The following OTUD7A variants were observed in gnomAD, a reference collection of about 807,000 sequenced individuals.
OTUD7A encodes the protein OTU domain-containing protein 7A.
In OTUD7A, 12 loss-of-function variants were observed where a neutral mutation model predicts 65.7. That is an observed-to-expected ratio of 0.18 (90% CI 0.12 to 0.30). The LOEUF (loss-of-function observed/expected upper bound fraction) is 0.30, where lower values mean the gene tolerates loss of function less well. OTUD7A is among the 10% of genes least tolerant of loss of function. The pLI is 1.00. For synonymous variants in OTUD7A, 641 were observed against 586.3 expected (o/e 1.09, Z -1.35); for missense variants, 1,148 against 1,304.8 (o/e 0.88, Z 1.85).
intron 1 of OTUD7A, among the ~76,000 whole-genome samples, chr15:31,753,728 T>TA (rs1894727768): frequency 1.6e-5 from 2 of 122,930 alleles, no homozygotes; most frequent in African/African-American, 3.1e-5. Flanking sequence ...ATATTATATA[T>TA]ATATATATAT....
At chr15:31,639,497 G>A (rs1891449072) in intron 3 of OTUD7A, among the ~76,000 whole-genome samples, 1 of 148,618 alleles carries the variant, frequency 6.7e-6, no homozygotes, top group Non-Finnish European at 1.5e-5. Flanking sequence ...TTTGCTATGG[G>A]CAAAGGCTTT....
rs549385384 is a variant in OTUD7A, at chr15:31,799,735, T to C, written c.-100+70772A>G. 2.0e-5 allele frequency among the ~76,000 whole-genome samples: 3 copies of C among 152,330 alleles called. No homozygotes were observed. The South Asian group carries it at 6.2e-4, about 32-fold the overall frequency. ...CCACTCACTCTGTAGTACTTTGTTA[T>C]GGCAGCCTGAGCTTACTAAGACAGG... On this transcript the variant is annotated intron_variant, in intron 1 of 12. Coordinates refer to ENST00000307050, the MANE Select transcript of OTUD7A (RefSeq NM_001382637.1).
At position 31,494,920 on chromosome 15, in the gene OTUD7A, G is replaced by T. The variant is rs774203366; in HGVS notation, c.1171+6770C>A. Among the ~76,000 whole-genome samples the T allele has an allele frequency of 2.6e-5, 4 of 152,240 alleles. No individual in the cohort carries two copies. In the South Asian group the frequency reaches 8.3e-4, roughly 31 times the overall value. On this transcript the variant is annotated intron_variant, in intron 10 of 12. Transcript: ENST00000307050. Reference sequence around the variant, plus strand: ...GCATGGGAGCATGGAGTCCTCAGGAGCCTGGAGTGGCCAGATGGAGGAAAC... The same window carrying T: ...GCATGGGAGCATGGAGTCCTCAGGATCCTGGAGTGGCCAGATGGAGGAAAC...
At chr15:31,592,454 C>T (rs1269449756) in intron 3 of OTUD7A, among the ~76,000 whole-genome samples, 3 of 152,004 alleles carry the variant, frequency 2.0e-5, no homozygotes, top group Non-Finnish European at 4.4e-5. Flanking sequence ...GTGTCTCCAC[C>T]TCCACATCCT....
At position 31,840,307 on chromosome 15, in the gene OTUD7A, G is replaced by A. The variant is rs139774850; in HGVS notation, c.-100+30200C>T. ...AAATAAATTAGCTGGGTATGGTGGC[G>A]CACGCCTGTAATCTCAGCTACTCAG... is the stretch of plus-strand genomic sequence containing the variant. On this transcript the variant is annotated intron_variant, in intron 1 of 12. Transcript: ENST00000307050. Among the ~76,000 whole-genome samples the A allele has an allele frequency of 7.0e-3, 1,065 of 152,102 alleles. 12 individuals are homozygous for A. The highest frequency in any genetic ancestry group is 0.023 in the African/African-American group (964 of 41,484).
chr15:31,736,680 A>G lies in OTUD7A; in HGVS notation c.-99-79603T>C, dbSNP rs567240540. 4.3e-3 allele frequency among the ~76,000 whole-genome samples: 654 copies of G among 152,350 alleles called. 1 individual carries two copies. The highest frequency in any genetic ancestry group is 6.6e-3 in the Non-Finnish European group (448 of 68,038). Reference sequence around the variant, plus strand: ...CAGAGCTGGCAGAAAACAAATCTATATCCTCCCACCCTCAACACAAATAAG... The same window carrying G: ...CAGAGCTGGCAGAAAACAAATCTATGTCCTCCCACCCTCAACACAAATAAG... On this transcript the variant is annotated intron_variant, in intron 1 of 12. Coordinates refer to ENST00000307050, the MANE Select transcript of OTUD7A (RefSeq NM_001382637.1).
At position 31,511,129 on chromosome 15, in the gene OTUD7A, CTATA is replaced by C. The variant is rs1444604627; in HGVS notation, c.894-7315_894-7312del. Reference sequence around the variant, plus strand: ...CTATATGTAACATACATATGTATATCTATATGTAACATACATATGTATATCTATA... The same window carrying C: ...CTATATGTAACATACATATGTATATCTGTAACATACATATGTATATCTATA... On this transcript the variant is annotated intron_variant, in intron 8 of 12. Coordinates refer to ENST00000307050, the MANE Select transcript of OTUD7A (RefSeq NM_001382637.1). 7.1e-5 allele frequency among the ~76,000 whole-genome samples: 2 copies of C among 28,068 alleles called. 1 individual carries two copies. The highest frequency in any genetic ancestry group is 1.5e-3 in the South Asian group (2 of 1,338). 18.4% of individuals were successfully genotyped at this position (28,068 alleles called of 152,430 possible).
intron 1 of OTUD7A, among the ~76,000 whole-genome samples, chr15:31,795,428 G>C (rs1895926697): frequency 6.6e-6 from 1 of 152,210 alleles, no homozygotes; most frequent in South Asian, 2.1e-4. Context: ...TGCTGACCTG[G>C]AGGAGTGGGT....
At chr15:31,746,515 T>A (rs1894482734) in intron 1 of OTUD7A, among the ~76,000 whole-genome samples, 1 of 151,812 alleles carries the variant, frequency 6.6e-6, no homozygotes, top group African/African-American at 2.4e-5. Context: ...ATATTTTTTT[T>A]TTTTTTTTTG....
chr15:31,733,976 A>C (rs1023103844), intron 1 of OTUD7A, among the ~76,000 whole-genome samples: 3 of 152,116 alleles, frequency 2.0e-5, no homozygotes, highest in Non-Finnish European at 4.4e-5. Flanking sequence ...AAAAAATGTC[A>C]ATTTTTTCAA....
At chr15:31,763,363 A>G (rs749261086) in intron 1 of OTUD7A, among the ~76,000 whole-genome samples, 1 of 152,216 alleles carries the variant, frequency 6.6e-6, no homozygotes, top group Non-Finnish European at 1.5e-5. Flanking sequence ...TCAAGTGGAA[A>G]TTTTAGAGAT....
chr15:31,574,949 AC>A (rs1364548338), intron 3 of OTUD7A, among the ~76,000 whole-genome samples: 1 of 152,016 alleles, frequency 6.6e-6, no homozygotes, highest in Non-Finnish European at 1.5e-5. Context: ...AGACTAGCCA[AC>A]CCTCAACCAG....
chr15:31,863,808 G>A (rs116021021), intron 1 of OTUD7A, among the ~76,000 whole-genome samples: 2,069 of 152,276 alleles, frequency 0.014, 49 homozygotes, highest in African/African-American at 0.047. Flanking sequence ...TTCTGAAGCT[G>A]GCTTGAATTT....
At chr15:31,559,314 A>G in intron 4 of OTUD7A, 127 bp from the exon 5 acceptor site, 1 of 833,476 alleles carries the variant, frequency 1.2e-6, no homozygotes, top group Non-Finnish European at 1.8e-6. Context: ...CACACAGACC[A>G]CACACATGCA....
intron 1 of OTUD7A, among the ~76,000 whole-genome samples, chr15:31,782,242 T>A (rs560301564): frequency 6.6e-6 from 1 of 151,854 alleles, no homozygotes; most frequent in East Asian, 1.9e-4. Context: ...GTGCCAAGAG[T>A]AATGTGAGAC....
At position 31,578,066 on chromosome 15, in the gene OTUD7A, C is replaced by G. The variant is rs896805101; in HGVS notation, c.152-7869G>C. 7.2e-5 allele frequency among the ~76,000 whole-genome samples: 11 copies of G among 152,188 alleles called. No individual in the cohort carries two copies. The South Asian group carries it at 8.3e-4, about 12-fold the overall frequency. ...ACCAAAAATAAAATTTGAAGGCCCC[C>G]CGACAACCATCTAAATAGGCTCCCT... On this transcript the variant is annotated intron_variant, in intron 3 of 12. Coordinates refer to ENST00000307050, the MANE Select transcript of OTUD7A (RefSeq NM_001382637.1).
At chr15:31,499,197 T>C (rs544589538) in intron 10 of OTUD7A, among the ~76,000 whole-genome samples, 11 of 152,290 alleles carry the variant, frequency 7.2e-5, no homozygotes, top group African/African-American at 2.6e-4. Context: ...TTTTATCTCA[T>C]TTCCAGGCTC....
At chr15:31,610,609 A>ATT (rs1566942812) in intron 3 of OTUD7A, among the ~76,000 whole-genome samples, 2 of 39,772 alleles carry the variant, frequency 5.0e-5, no homozygotes, top group South Asian at 8.6e-4. Flanking sequence ...ATATATATAT[A>ATT]TATATATATT....
At chr15:31,763,305 AC>A (rs1895019603) in intron 1 of OTUD7A, among the ~76,000 whole-genome samples, 1 of 152,146 alleles carries the variant, frequency 6.6e-6, no homozygotes, top group African/African-American at 2.4e-5. Context: ...AACAACAACA[AC>A]AACAAAAGAC....
Sources: gnomAD v4.1 joint callset for allele counts (sites outside exome capture counted in the v4.1 genomes callset) on GRCh38, gnomAD v4.1.1 for gene constraint, MANE v1.5 for transcripts, NCBI Gene and HGNC (gene_info 2026-07-23, HGNC 2026-07-21) for gene names.